Variants in CWC27 observed in about 807,000 individuals in gnomAD.
CWC27 encodes the protein spliceosome-associated protein CWC27 homolog.
Under a neutral mutation model 63.6 loss-of-function variants are expected in CWC27, and 47 were observed. The ratio of observed to expected loss-of-function variants is 0.74; its 90% CI spans 0.58 to 0.94. The LOEUF (loss-of-function observed/expected upper bound fraction) is 0.94. Ranked by LOEUF, CWC27 falls within the 40% of genes least tolerant of loss-of-function variation. The pLI is 0.00. For missense variants in CWC27, 495 were observed against 554.3 expected (o/e 0.89, Z 1.07); for synonymous variants, 175 against 179.8 (o/e 0.97, Z 0.22).
chr5:64,800,592 A>C (rs1304723295), intron 8 of CWC27, among the ~76,000 whole-genome samples: 1 of 152,210 alleles, frequency 6.6e-6, no homozygotes, highest in African/African-American at 2.4e-5. Flanking sequence ...AGGACTAGAA[A>C]CTGTTTGCTT....
chr5:64,782,802 A>C (rs2112163467), intron 3 of CWC27, among the ~76,000 whole-genome samples: 1 of 152,278 alleles, frequency 6.6e-6, no homozygotes, highest in Middle Eastern at 3.4e-3. Context: ...GTTAGCTTTA[A>C]TTTCCAGATG....
At chr5:65,007,789 G>A (rs182393618) in intron 13 of CWC27, among the ~76,000 whole-genome samples, 14 of 152,064 alleles carry the variant, frequency 9.2e-5, no homozygotes, top group Admixed American at 1.3e-4. Context: ...CACCATGCCC[G>A]GATAATTTTT....
At chr5:64,864,065 C>T (rs1174764096) in intron 10 of CWC27, among the ~76,000 whole-genome samples, 1 of 152,130 alleles carries the variant, frequency 6.6e-6, no homozygotes, top group Non-Finnish European at 1.5e-5. Flanking sequence ...TGTAGAAAAG[C>T]CTGCATAATT....
At chr5:64,914,287 G>C (rs1008134118) in intron 11 of CWC27, among the ~76,000 whole-genome samples, 2 of 152,040 alleles carry the variant, frequency 1.3e-5, no homozygotes, top group Non-Finnish European at 2.9e-5. Flanking sequence ...AGAAGTAATC[G>C]TAAAGGAAAC....
chr5:64,850,883 A>G (rs1746115623), intron 10 of CWC27, among the ~76,000 whole-genome samples: 1 of 135,874 alleles, frequency 7.4e-6, no homozygotes, highest in Non-Finnish European at 1.6e-5. Flanking sequence ...ACCTGTCAGA[A>G]TGGCTATCAA....
chr5:64,778,235 C>G (rs1743529117), intron 2 of CWC27, among the ~76,000 whole-genome samples: 1 of 149,844 alleles, frequency 6.7e-6, no homozygotes, highest in Non-Finnish European at 1.5e-5. Flanking sequence ...GTAATGACCT[C>G]AGGATAGTAG....
chr5:64,953,706 TC>T (rs1000058079), intron 11 of CWC27, among the ~76,000 whole-genome samples: 11 of 152,228 alleles, frequency 7.2e-5, no homozygotes, highest in African/African-American at 2.7e-4. Context: ...TTTTTTTCTT[TC>T]CCCCAGCAAA....
chr5:64,818,054 T>C (rs746783255), intron 10 of CWC27, among the ~76,000 whole-genome samples: 1 of 152,120 alleles, frequency 6.6e-6, no homozygotes, highest in Non-Finnish European at 1.5e-5. Context: ...ATGGTGTTGA[T>C]TTACCTACTT....
chr5:64,840,380 A>AT (rs1745779960), intron 10 of CWC27, among the ~76,000 whole-genome samples: 1 of 70,204 alleles, frequency 1.4e-5, no homozygotes, highest in Admixed American at 1.5e-4. Flanking sequence ...AAAAAAAAAA[A>AT]AAAAAAAAAA....
chr5:64,998,054 C>T (rs1414325486), intron 13 of CWC27, among the ~76,000 whole-genome samples: 5 of 152,174 alleles, frequency 3.3e-5, no homozygotes, highest in African/African-American at 1.2e-4. Context: ...GAATTCTAAA[C>T]TCCCTGTCCA....
chr5:64,833,951 C>A (rs550039270), intron 10 of CWC27, among the ~76,000 whole-genome samples: 1 of 151,598 alleles, frequency 6.6e-6, no homozygotes, highest in East Asian at 1.9e-4. Context: ...TCATTAATAA[C>A]ACTGGATGAA....
chr5:64,954,240 A>G (rs1031274814), intron 11 of CWC27, among the ~76,000 whole-genome samples: 1 of 152,100 alleles, frequency 6.6e-6, no homozygotes, highest in Non-Finnish European at 1.5e-5. Context: ...TAGGTCTCCA[A>G]GTGTAATATC....
intron 10 of CWC27, among the ~76,000 whole-genome samples, chr5:64,854,882 A>G (rs1405592539): frequency 6.6e-6 from 1 of 152,140 alleles, no homozygotes; most frequent in Non-Finnish European, 1.5e-5. Context: ...TAGACATGCT[A>G]ATTCCTCTGT....
intron 11 of CWC27, among the ~76,000 whole-genome samples, chr5:64,956,759 G>A (rs1018250405): frequency 6.6e-6 from 1 of 152,148 alleles, no homozygotes; most frequent in East Asian, 1.9e-4. Context: ...GAGCTTTGAA[G>A]TCTGACAGCC....
intron 13 of CWC27, among the ~76,000 whole-genome samples, chr5:64,984,385 A>T (rs1749383599): frequency 6.6e-6 from 1 of 152,234 alleles, no homozygotes; most frequent in Non-Finnish European, 1.5e-5. Context: ...ATGTGCATCA[A>T]GATCTGTCCC....
intron 10 of CWC27, among the ~76,000 whole-genome samples, chr5:64,859,714 T>C (rs1346523286): frequency 4.6e-5 from 7 of 152,210 alleles, no homozygotes; most frequent in Non-Finnish European, 7.4e-5. Flanking sequence ...GTACTGTGTG[T>C]GCAGCAGCAT....
At chr5:64,992,835 T>A (rs1435585200) in intron 13 of CWC27, among the ~76,000 whole-genome samples, 1 of 152,048 alleles carries the variant, frequency 6.6e-6, no homozygotes, top group Non-Finnish European at 1.5e-5. Flanking sequence ...ACCCTGCCAC[T>A]TTCTACACTT....
chr5:64,812,254 A>T (rs1744899042), intron 10 of CWC27, among the ~76,000 whole-genome samples: 1 of 152,138 alleles, frequency 6.6e-6, no homozygotes, highest in African/African-American at 2.4e-5. Context: ...ACAAACATTG[A>T]AACCCACAGA....
At chr5:64,928,599 C>T (rs1227664002) in intron 11 of CWC27, among the ~76,000 whole-genome samples, 1 of 152,102 alleles carries the variant, frequency 6.6e-6, no homozygotes, top group Non-Finnish European at 1.5e-5. Context: ...CACACACACA[C>T]ACGTTTGCAG....
Sources: allele counts gnomAD v4.1 joint callset (sites outside exome capture counted in the v4.1 genomes callset), GRCh38; gene constraint gnomAD v4.1.1; transcripts MANE v1.5; gene names NCBI Gene and HGNC (gene_info 2026-07-23, HGNC 2026-07-21).